The following TSC22D1 variants were observed in gnomAD, a reference collection of about 807,000 sequenced individuals.
TSC22D1 encodes the protein TSC22 domain family protein 1.
TSC22D1 carries 9 observed loss-of-function variants against 74.2 expected under a neutral mutation model. The ratio of observed to expected loss-of-function variants is 0.12; its 90% CI spans 0.07 to 0.21. TSC22D1 has a LOEUF of 0.21. Ranked by LOEUF, TSC22D1 falls within the 10% of genes least tolerant of loss-of-function variation. TSC22D1 has a pLI of 1.00. For missense variants in TSC22D1, 1,427 were observed against 1,304.7 expected, an observed-to-expected ratio of 1.09 and a Z score of -1.44; for synonymous variants, 586 against 492.5, an observed-to-expected ratio of 1.19 and a Z score of -2.51.
At chr13:44,565,526 T>A (rs1297787401) in intron 1 of TSC22D1, among the ~76,000 whole-genome samples, 3 of 152,148 alleles carry the variant, frequency 2.0e-5, no homozygotes, top group South Asian at 2.1e-4. Context: ...TATAATTTTT[T>A]AAAAATCAGT....
rs1274028743 is a variant in TSC22D1, at chr13:44,538,017, CAG to C, written c.2912+35144_2912+35145del. 6.1e-6 allele frequency: 6 copies of C among 985,022 alleles called. No homozygotes were observed. In the African/African-American group the frequency reaches 7.0e-5, roughly 11 times the overall value. 61.0% of individuals were successfully genotyped at this position (985,022 alleles called of 1,614,324 possible). On this transcript the variant is annotated intron_variant, in intron 1 of 2. Transcript: ENST00000458659. ...AGTTAATAGATACCAAAGAAAGAAA[CAG>C]AAACATTTTGATAACTACTTCAATC...
At chr13:44,437,555 C>T (rs1271968517) in intron 1 of TSC22D1, among the ~76,000 whole-genome samples, 8 of 152,038 alleles carry the variant, frequency 5.3e-5, no homozygotes, top group Non-Finnish European at 1.0e-4. Flanking sequence ...CCCAAAAAGC[C>T]CGTAGAGCCA....
chr13:44,455,519 A>T (rs1393575067), intron 1 of TSC22D1, among the ~76,000 whole-genome samples: 1 of 152,220 alleles, frequency 6.6e-6, no homozygotes, highest in East Asian at 1.9e-4. Flanking sequence ...ATGCCACTTT[A>T]TATTCTAAAC....
intron 1 of TSC22D1, among the ~76,000 whole-genome samples, chr13:44,567,406 C>T (rs188901499): frequency 1.5e-3 from 222 of 152,080 alleles, no homozygotes; most frequent in African/African-American, 4.2e-3. Context: ...TTACACATGA[C>T]TACCAACTAT....
intron 1 of TSC22D1, chr13:44,536,595 C>T (rs1881139611): frequency 2.8e-6 from 1 of 357,410 alleles, no homozygotes; most frequent in Non-Finnish European, 3.9e-6. Flanking sequence ...TTGCATAGTT[C>T]TCTAATCAGC....
At chr13:44,453,843 G>A (rs114820918) in intron 1 of TSC22D1, among the ~76,000 whole-genome samples, 1,805 of 152,240 alleles carry the variant, frequency 0.012, 41 homozygotes, top group African/African-American at 0.041. Flanking sequence ...AATAAGAAAT[G>A]CTCCTAATTG....
chr13:44,534,727 A>T (rs1881048917), intron 1 of TSC22D1, among the ~76,000 whole-genome samples: 1 of 152,206 alleles, frequency 6.6e-6, no homozygotes, highest in Non-Finnish European at 1.5e-5. Flanking sequence ...AAACATTTAC[A>T]GAATTCCTTA....
chr13:44,573,647 C>T lies in TSC22D1; in HGVS notation c.2428G>A (p.Ala810Thr). 3 of 1,614,240 alleles carry T rather than the reference C, an allele frequency of 1.9e-6. No individual in the cohort carries two copies. Among genetic ancestry groups the T allele is most frequent in the Non-Finnish European group, 2.5e-6 (3 of 1,180,046 alleles). The change falls in exon 1 of 3, where the codon GCT becomes ACT. Residue 810 changes from alanine to threonine, a missense_variant. Ala to Thr is a moderately conservative substitution (Grantham distance 58, BLOSUM62 0). Coordinates refer to ENST00000458659, the MANE Select transcript of TSC22D1 (RefSeq NM_183422.4). ...AACTGCTGTGAAACAATTCCTTGAGCTACTGGTTCTACTCCTTGTGGCTGG... is the reference window on the plus strand; with the variant it reads ...AACTGCTGTGAAACAATTCCTTGAGTTACTGGTTCTACTCCTTGTGGCTGG... ...PPQPQGVEPVAQGIVSQQLPA... is the reference protein window; with the variant it reads ...PPQPQGVEPVTQGIVSQQLPA...
Position 44,434,205 on chromosome 13 carries a change from AGAG to A in TSC22D1, c.*418_*420del. On this transcript the variant is annotated 3_prime_UTR_variant, in exon 3 of 3. Transcript: ENST00000458659. Reference sequence around the variant, plus strand: ...CTTTCAAGTTCCTCCTGGGGGGAGGAGAGGAGAGAGGCGAGTCCAGTGAGGAGC... The same window carrying A: ...CTTTCAAGTTCCTCCTGGGGGGAGGAGAGAGAGGCGAGTCCAGTGAGGAGC... 1 of 1,445,696 alleles carries A rather than the reference AGAG, an allele frequency of 6.9e-7. No homozygotes were observed. Among genetic ancestry groups the A allele is most frequent in the Non-Finnish European group, 9.0e-7 (1 of 1,113,606 alleles). The allele number at this position is 1,445,696 out of a possible 1,614,324, so 89.6% of individuals were successfully genotyped here. A position where few individuals can be genotyped will look rare whatever the true frequency, so the allele number is the denominator to read the frequency against.
At chr13:44,509,950 C>CAAAAAAAAAAAAAAAAAAAAAAAAA in intron 1 of TSC22D1, among the ~76,000 whole-genome samples, 5 of 51,422 alleles carry the variant, frequency 9.7e-5, no homozygotes, top group Non-Finnish European at 1.8e-4. Flanking sequence ...AGAAAATAAG[C>CAAAAAAAAAAAAAAAAAAAAAAAAA]AAAAAAAAAA....
chr13:44,489,169 G>C (rs150361612), intron 1 of TSC22D1, among the ~76,000 whole-genome samples: 236 of 150,104 alleles, frequency 1.6e-3, no homozygotes, highest in Middle Eastern at 3.4e-3. Context: ...TATCCACATG[G>C]GGAAAAAATT....
intron 1 of TSC22D1, among the ~76,000 whole-genome samples, chr13:44,477,638 A>ATTTTTTT (rs35355914): frequency 8.0e-6 from 1 of 125,390 alleles, no homozygotes; most frequent in Non-Finnish European, 1.6e-5. Context: ...GTGCTCATAG[A>ATTTTTTT]TTTTTTTTTT....
In TSC22D1 at chr13:44,517,857, A is replaced by ATATATAT. The variant is rs10627677; in HGVS notation, c.2912+55305_2912+55306insATATATA. Among the ~76,000 whole-genome samples the ATATATAT allele has an allele frequency of 5.0e-3, 81 of 16,186 alleles. 6 individuals are homozygous for ATATATAT. Among genetic ancestry groups the ATATATAT allele is most frequent in the Non-Finnish European group, 0.01 (73 of 7,192 alleles). The allele number at this position is 16,186 out of a possible 152,430, so 10.6% of individuals were successfully genotyped here. On this transcript the variant is annotated intron_variant, in intron 1 of 2. Coordinates refer to ENST00000458659, the MANE Select transcript of TSC22D1 (RefSeq NM_183422.4). ...TATATATATATATATATATATATATATTTTTTTTTTTTTTTTTTTTTTAAC... is the reference window on the plus strand; with the variant it reads ...TATATATATATATATATATATATATATATATATTTTTTTTTTTTTTTTTTTTTTTAAC...
chr13:44,433,445 C>G lies in TSC22D1; in HGVS notation c.*1181G>C, dbSNP rs1874224754. The G allele has an allele frequency of 6.6e-6, 1 of 152,328 alleles. No homozygotes were observed. Among genetic ancestry groups the G allele is most frequent in the South Asian group, 2.1e-4 (1 of 4,832 alleles). 9.4% of individuals were successfully genotyped at this position (152,328 alleles called of 1,614,324 possible). On this transcript the variant is annotated 3_prime_UTR_variant, in exon 3 of 3. Coordinates refer to ENST00000458659, the MANE Select transcript of TSC22D1 (RefSeq NM_183422.4). ...CACTGCCCTTCAGGATTTTACTAGT[C>G]AAATTGTTAACTTTACCTGGAAACA...
intron 1 of TSC22D1, among the ~76,000 whole-genome samples, chr13:44,495,056 T>G (rs1464136431): frequency 6.6e-6 from 1 of 152,034 alleles, no homozygotes; most frequent in Non-Finnish European, 1.5e-5. Flanking sequence ...CAATTGAAAT[T>G]ATCAAACTAG....
intron 1 of TSC22D1, among the ~76,000 whole-genome samples, chr13:44,503,618 C>A (rs1291675630): frequency 1.3e-5 from 2 of 152,088 alleles, no homozygotes; most frequent in Non-Finnish European, 2.9e-5. Flanking sequence ...ATAGAAAAGT[C>A]TTTCAGTATT....
intron 1 of TSC22D1, among the ~76,000 whole-genome samples, chr13:44,548,103 G>T (rs1184445522): frequency 6.6e-6 from 1 of 152,234 alleles, no homozygotes; most frequent in Non-Finnish European, 1.5e-5. Flanking sequence ...AAGATCACAT[G>T]TCTAGTAAAG....
intron 1 of TSC22D1, among the ~76,000 whole-genome samples, chr13:44,533,724 A>C (rs1880985587): frequency 6.6e-6 from 1 of 152,188 alleles, no homozygotes; most frequent in Admixed American, 6.5e-5. Flanking sequence ...TGGTGGTTGC[A>C]GTGAGCTGAG....
At chr13:44,544,289 A>C (rs911854338) in intron 1 of TSC22D1, among the ~76,000 whole-genome samples, 6 of 151,608 alleles carry the variant, frequency 4.0e-5, no homozygotes, top group Admixed American at 3.9e-4. Flanking sequence ...TAGTACAAAA[A>C]CCAGATACTG....
Sources: allele counts gnomAD v4.1 joint callset (sites outside exome capture counted in the v4.1 genomes callset), GRCh38; gene constraint gnomAD v4.1.1; transcripts MANE v1.5; gene names NCBI Gene and HGNC (gene_info 2026-07-23, HGNC 2026-07-21).